The following NMT2 variants were observed in gnomAD, a reference collection of about 807,000 sequenced individuals.
The protein encoded by NMT2 is glycylpeptide N-tetradecanoyltransferase 2.
NMT2 carries 35 observed loss-of-function variants against 65.4 expected under a neutral mutation model. That is an observed-to-expected ratio of 0.54 (90% CI 0.41 to 0.71). The LOEUF (loss-of-function observed/expected upper bound fraction) is 0.71, where lower values mean the gene tolerates loss of function less well. Ranked by LOEUF, NMT2 falls within the 30% of genes least tolerant of loss-of-function variation. The pLI, the probability that NMT2 is intolerant of heterozygous loss-of-function variation, is 0.00. For missense variants in NMT2, 489 were observed against 611.3 expected (o/e 0.80, Z 2.11); for synonymous variants, 226 against 231.8 (o/e 0.98, Z 0.23).
chr10:15,121,378 T>A (rs1242125659), intron 8 of NMT2, among the ~76,000 whole-genome samples: 1 of 152,170 alleles, frequency 6.6e-6, no homozygotes, highest in Admixed American at 6.5e-5. Flanking sequence ...AAACAGGTGT[T>A]TTTTTTGAGA....
At chr10:15,155,266 G>A in intron 1 of NMT2, 1 of 1,450,280 alleles carries the variant, frequency 6.9e-7, no homozygotes, top group Non-Finnish European at 9.7e-7. Flanking sequence ...AAGGAGACGT[G>A]CCCCAAGGCC....
At chr10:15,126,959 G>T (rs146032183) in intron 8 of NMT2, among the ~76,000 whole-genome samples, 1 of 152,222 alleles carries the variant, frequency 6.6e-6, no homozygotes, top group African/African-American at 2.4e-5. Context: ...TTGGCTGGGC[G>T]TGGTGGCTCA....
At position 15,109,077 on chromosome 10, in the gene NMT2, A is replaced by G; in HGVS notation, c.*118T>C. 3 of 1,534,374 alleles carry G rather than the reference A, an allele frequency of 2.0e-6. 1 individual carries two copies. The South Asian group carries it at 3.7e-5, about 19-fold the overall frequency. ...TGGACTTTTGTCATCTTTTCTGATT[A>G]TCGACTACTTCAATTTCACTTGAGT... On this transcript the variant is annotated 3_prime_UTR_variant, in exon 12 of 12. Transcript: ENST00000378165.
intron 3 of NMT2, among the ~76,000 whole-genome samples, chr10:15,134,274 T>G (rs1025425684): frequency 3.3e-5 from 5 of 152,156 alleles, no homozygotes; most frequent in Admixed American, 1.3e-4. Flanking sequence ...ACCCAGGCTC[T>G]TCCCCATGGC....
intron 1 of NMT2, among the ~76,000 whole-genome samples, chr10:15,163,631 T>C (rs778938517): frequency 1.3e-5 from 2 of 152,196 alleles, no homozygotes; most frequent in Non-Finnish European, 2.9e-5. Context: ...TAAGAAAAAC[T>C]TATTGCAAGT....
At chr10:15,167,145 A>G (rs1048098190) in intron 1 of NMT2, among the ~76,000 whole-genome samples, 6 of 151,500 alleles carry the variant, frequency 4.0e-5, no homozygotes, top group African/African-American at 9.8e-5. Flanking sequence ...AACAGGGCTC[A>G]GGTTCAGATT....
At chr10:15,131,312 CTT>C (rs764637363) in intron 6 of NMT2, among the ~76,000 whole-genome samples, 5 of 139,944 alleles carry the variant, frequency 3.6e-5, no homozygotes, top group Admixed American at 7.2e-5. Context: ...CGTTTCTTTC[CTT>C]TTTTTTTTTT....
intron 1 of NMT2, chr10:15,155,317 C>A (rs749788845): frequency 3.2e-6 from 4 of 1,246,136 alleles, no homozygotes; most frequent in Non-Finnish European, 4.7e-6. Flanking sequence ...GTGGGGTTGA[C>A]CATGGCTGGT....
At chr10:15,133,001 G>A (rs1846338217) in intron 5 of NMT2, 52 bp downstream of exon 5, 1 of 1,592,564 alleles carries the variant, frequency 6.3e-7, no homozygotes, top group South Asian at 1.1e-5. Flanking sequence ...AGACGCAGGA[G>A]TCCCCAAGTC....
At position 15,109,779 on chromosome 10, in the gene NMT2, G is replaced by A. The variant is rs755991801; in HGVS notation, c.1399C>T (p.Leu467Phe). 5 of 1,613,572 alleles carry A rather than the reference G, an allele frequency of 3.1e-6. No individual in the cohort carries two copies. The highest frequency in any genetic ancestry group is 4.2e-6 in the Non-Finnish European group (5 of 1,179,740). ...LMENKTFLEK[L>F]KFGIGDGNLQ... ...TTGCCATCTCCTATACCAAACTTGA[G>A]TTTTTCCAAGAATGTCTTATTTTCC... Residue 467 changes from leucine (L) to phenylalanine (F), a missense_variant, in exon 11 of 12, where the codon CTC (leucine) becomes TTC (phenylalanine). Leu to Phe is a conservative substitution (Grantham distance 22). Coordinates refer to ENST00000378165, the MANE Select transcript of NMT2 (RefSeq NM_004808.3).
At position 15,105,939 on chromosome 10, in the gene NMT2, T is replaced by C. The variant is rs1036334218; in HGVS notation, c.*3256A>G. 3 of 351,928 alleles carry C rather than the reference T, an allele frequency of 8.5e-6. No individual in the cohort carries two copies. The highest frequency in any genetic ancestry group is 1.6e-5 in the Non-Finnish European group (3 of 183,062). The allele number at this position is 351,928 out of a possible 1,614,324, so 21.8% of individuals were successfully genotyped here. On this transcript the variant is annotated 3_prime_UTR_variant, in exon 12 of 12. Coordinates refer to ENST00000378165, the MANE Select transcript of NMT2 (RefSeq NM_004808.3). ...TGTAAATGACTCTTTAAAGGAGCAGTGTAACTGTCACCGTGAGGTAAGCTC... is the reference window on the plus strand; with the variant it reads ...TGTAAATGACTCTTTAAAGGAGCAGCGTAACTGTCACCGTGAGGTAAGCTC...
rs1289353859 is a variant in NMT2 at position 15,109,147 on chromosome 10, A to C, written c.*48T>G. On this transcript the variant is annotated 3_prime_UTR_variant, in exon 12 of 12. Transcript: ENST00000378165. ...GGAATGGCAGTTCCAGAAATCATTA[A>C]ATATTAACAAATGATGATGTCAGAG... 2 of 1,596,846 alleles carry C rather than the reference A, an allele frequency of 1.3e-6. No homozygotes were observed. The highest frequency in any genetic ancestry group is 1.7e-6 in the Non-Finnish European group (2 of 1,174,910).
chr10:15,166,807 T>C (rs912803118), intron 1 of NMT2, among the ~76,000 whole-genome samples: 1 of 152,184 alleles, frequency 6.6e-6, no homozygotes, highest in African/African-American at 2.4e-5. Flanking sequence ...CTGGGAACTT[T>C]AGCTTCTTGA....
chr10:15,115,100 C>T (rs1845701936), intron 9 of NMT2, among the ~76,000 whole-genome samples: 1 of 151,892 alleles, frequency 6.6e-6, no homozygotes, highest in South Asian at 2.1e-4. Flanking sequence ...GCAGACATAC[C>T]CTGAGACTGG....
intron 1 of NMT2, among the ~76,000 whole-genome samples, chr10:15,164,302 T>A (rs576253898): frequency 1.1e-3 from 163 of 151,758 alleles, no homozygotes; most frequent in African/African-American, 3.8e-3. Context: ...GGTTCCTATA[T>A]AAATCTTCTT....
At chr10:15,122,299 A>C (rs1845952076) in intron 8 of NMT2, among the ~76,000 whole-genome samples, 1 of 152,236 alleles carries the variant, frequency 6.6e-6, no homozygotes, top group African/African-American at 2.4e-5. Context: ...AGAGCAAAAC[A>C]TTCTTCTGGA....
chr10:15,165,127 C>A (rs1833335152), intron 1 of NMT2, among the ~76,000 whole-genome samples: 1 of 150,740 alleles, frequency 6.6e-6, no homozygotes, highest in Non-Finnish European at 1.5e-5. Flanking sequence ...CGTACTATTG[C>A]ACTCCAGCCT....
chr10:15,141,646 A>G (rs1846770369), intron 1 of NMT2, 89 bp from the exon 2 acceptor site: 6 of 1,469,528 alleles, frequency 4.1e-6, no homozygotes, highest in South Asian at 4.0e-5. Context: ...ATTTCAAAAA[A>G]CACAGCTGTT....
chr10:15,108,188 C>CTTTTT lies in NMT2; in HGVS notation c.*1002_*1006dup. ...AGTTAGTCGCGGGTACAGGCTCTTT[C>CTTTTT]TTTTTTTTTTTTTTTGAGACGGAGT... On this transcript the variant is annotated 3_prime_UTR_variant, in exon 12 of 12. Transcript: ENST00000378165. 1 of 906,576 alleles carries CTTTTT rather than the reference C, an allele frequency of 1.1e-6. No homozygotes were observed. The highest frequency in any genetic ancestry group is 1.9e-5 in the African/African-American group (1 of 52,694). 56.2% of individuals were successfully genotyped at this position (906,576 alleles called of 1,614,324 possible). A position where few individuals can be genotyped will look rare whatever the true frequency, so the allele number is the denominator to read the frequency against.
Sources: allele counts gnomAD v4.1 joint callset (sites outside exome capture counted in the v4.1 genomes callset), GRCh38; gene constraint gnomAD v4.1.1; transcripts MANE v1.5; gene names NCBI Gene and HGNC (gene_info 2026-07-23, HGNC 2026-07-21).